The following MAPKAP1 variants were observed in gnomAD, a reference collection of about 807,000 sequenced individuals.
MAPKAP1 encodes the protein MAPK associated protein 1.
A neutral mutation model predicts 65.7 loss-of-function variants in MAPKAP1; 20 were observed. The observed-to-expected ratio is 0.30, with a 90% CI of 0.21 to 0.44. The LOEUF is 0.44. MAPKAP1 is among the 20% of genes least tolerant of loss of function. The pLI, the probability that MAPKAP1 is intolerant of heterozygous loss-of-function variation, is 1.00. For synonymous variants in MAPKAP1, 222 were observed against 244.3 expected (o/e 0.91, Z 0.85); for missense variants, 423 against 648.0 (o/e 0.65, Z 3.77).
At chr9:125,693,462 T>C (rs1053786107) in intron 1 of MAPKAP1, among the ~76,000 whole-genome samples, 31 of 148,292 alleles carry the variant, frequency 2.1e-4, no homozygotes, top group African/African-American at 6.2e-4. Context: ...CACACATACA[T>C]GTATATATAC....
intron 1 of MAPKAP1, among the ~76,000 whole-genome samples, chr9:125,679,827 C>T (rs190120838): frequency 6.6e-6 from 1 of 152,266 alleles, no homozygotes; most frequent in Admixed American, 6.5e-5. Flanking sequence ...ACACTACCCG[C>T]TCACTTCCCT....
intron 4 of MAPKAP1, among the ~76,000 whole-genome samples, chr9:125,651,806 C>T (rs1405293603): frequency 3.9e-5 from 6 of 152,130 alleles, no homozygotes; most frequent in African/African-American, 7.2e-5. Flanking sequence ...TTCATGGTTA[C>T]CCCCGCACCC....
intron 10 of MAPKAP1, among the ~76,000 whole-genome samples, chr9:125,466,735 G>A (rs1391249115): frequency 6.6e-6 from 1 of 152,178 alleles, no homozygotes; most frequent in Non-Finnish European, 1.5e-5. Flanking sequence ...GGAATGGCAG[G>A]AAGGGAGTGG....
At chr9:125,495,040 G>A (rs1854888749) in intron 8 of MAPKAP1, among the ~76,000 whole-genome samples, 1 of 152,164 alleles carries the variant, frequency 6.6e-6, no homozygotes, top group African/African-American at 2.4e-5. Context: ...TTCATTATGG[G>A]TTTGCTTGGA....
At chr9:125,589,621 T>C (rs144433847) in intron 4 of MAPKAP1, among the ~76,000 whole-genome samples, 272 of 152,306 alleles carry the variant, frequency 1.8e-3, no homozygotes, top group African/African-American at 6.3e-3. Flanking sequence ...TATAATTCTA[T>C]CATTCTGAGG....
chr9:125,644,187 A>C (rs1401099474), intron 4 of MAPKAP1, among the ~76,000 whole-genome samples: 1 of 152,206 alleles, frequency 6.6e-6, no homozygotes, highest in Non-Finnish European at 1.5e-5. Flanking sequence ...ACATTTTACT[A>C]ATCACCTCAT....
intron 4 of MAPKAP1, among the ~76,000 whole-genome samples, chr9:125,624,035 G>T (rs1466218364): frequency 5.4e-5 from 2 of 37,302 alleles, no homozygotes; most frequent in Admixed American, 2.4e-4. Context: ...GGGAGGTGGG[G>T]GGGTCAGCCC....
intron 5 of MAPKAP1, among the ~76,000 whole-genome samples, chr9:125,579,216 G>A (rs1831541619): frequency 6.6e-6 from 1 of 152,212 alleles, no homozygotes; most frequent in Non-Finnish European, 1.5e-5. Context: ...AAGAATTCCT[G>A]CCAAATTCTC....
At chr9:125,706,210 G>T (rs1423413797) in intron 1 of MAPKAP1, among the ~76,000 whole-genome samples, 1 of 152,022 alleles carries the variant, frequency 6.6e-6, no homozygotes, top group Non-Finnish European at 1.5e-5. Flanking sequence ...TAACATTACG[G>T]ATCCACCTCT....
chr9:125,527,009 G>A (rs1271375690), intron 7 of MAPKAP1, among the ~76,000 whole-genome samples: 3 of 150,756 alleles, frequency 2.0e-5, no homozygotes, highest in Non-Finnish European at 4.4e-5. Context: ...TCCTGACCTC[G>A]TGATCTGCCT....
chr9:125,672,352 T>C lies in MAPKAP1; in HGVS notation c.223A>G (p.Ser75Gly). The change falls in exon 2 of 12, where the codon AGT (serine) becomes GGT (glycine). Residue 75 changes from serine (S) to glycine (G), a missense_variant. Ser to Gly is a moderately conservative substitution (Grantham distance 56, BLOSUM62 0). This residue lies in a region of MAPKAP1 where 58 missense variants were observed against 56.9 expected (regional missense o/e 1.02). Transcript: ENST00000265960. The part of the protein sequence containing the change: ...VYAQSVDITS[S>G]WDFGIRRRSN... ...CGTCTTCTAATACCAAAGTCCCAAC[T>C]TGAGGTAATATCGACTGACTGGGCA... The C allele has an allele frequency of 3.1e-6, 5 of 1,614,202 alleles. No homozygotes were observed. Among genetic ancestry groups the C allele is most frequent in the East Asian group, 2.2e-5 (1 of 44,880 alleles).
At position 125,559,605 on chromosome 9, in the gene MAPKAP1, C is replaced by T. The variant is rs1370933808; in HGVS notation, c.848+28G>A. The stretch of plus-strand genomic sequence containing the variant: ...ATGCTAGAAGGTTGGGATGAGATAC[C>T]GAGAGAAGTAATAGAGTCAGTACTC... On this transcript the variant is annotated intron_variant, in intron 6 of 11. Transcript: ENST00000265960. 5 of 1,572,596 alleles carry T rather than the reference C, an allele frequency of 3.2e-6. No individual in the cohort carries two copies. The African/African-American group carries it at 4.1e-5, about 13-fold the overall frequency.
chr9:125,525,372 A>G (rs2133124406), intron 7 of MAPKAP1, among the ~76,000 whole-genome samples: 1 of 152,296 alleles, frequency 6.6e-6, no homozygotes, highest in East Asian at 1.9e-4. Context: ...CTTATCAGAG[A>G]GCTAGAAAAA....
intron 4 of MAPKAP1, among the ~76,000 whole-genome samples, chr9:125,599,297 G>T (rs183273604): frequency 6.6e-6 from 1 of 152,272 alleles, no homozygotes; most frequent in East Asian, 1.9e-4. Context: ...GTCACCATGT[G>T]AAGTAGCCCC....
chr9:125,581,089 T>C (rs1160456117), intron 5 of MAPKAP1, among the ~76,000 whole-genome samples: 1 of 152,264 alleles, frequency 6.6e-6, no homozygotes, highest in Non-Finnish European at 1.5e-5. Flanking sequence ...TGTACCACAA[T>C]GTTTAATCAT....
Position 125,438,917 on chromosome 9 carries a change from G to A in MAPKAP1, c.1539C>T (p.Phe513=). 4 of 1,614,230 alleles carry A rather than the reference G, an allele frequency of 2.5e-6. No individual in the cohort carries two copies. The highest frequency in any genetic ancestry group is 3.4e-6 in the Non-Finnish European group (4 of 1,180,038). ...GCTGCCCGGATTTCTTCTCCTTCTG[G>A]AAGCTGAAGCTCGTACGTCTGTTCA... is the stretch of plus-strand genomic sequence containing the variant. The part of the protein sequence containing the change: ...RKLNRRTSFS[F]QKEKKSGQQ Residue 513 remains phenylalanine, a synonymous_variant, in exon 12 of 12, where the codon TTC becomes TTT. Transcript: ENST00000265960.
At chr9:125,616,083 T>C (rs939800975) in intron 4 of MAPKAP1, among the ~76,000 whole-genome samples, 2 of 151,704 alleles carry the variant, frequency 1.3e-5, no homozygotes, top group Admixed American at 6.6e-5. Context: ...AGCACAAACA[T>C]AGGGAAATTT....
At chr9:125,629,556 C>A (rs954187672) in intron 4 of MAPKAP1, among the ~76,000 whole-genome samples, 2 of 152,128 alleles carry the variant, frequency 1.3e-5, no homozygotes, top group African/African-American at 4.8e-5. Flanking sequence ...TATGAGGGAT[C>A]TAAAGCATTC....
At chr9:125,477,275 T>C (rs2133014785) in intron 9 of MAPKAP1, among the ~76,000 whole-genome samples, 1 of 152,294 alleles carries the variant, frequency 6.6e-6, no homozygotes, top group East Asian at 1.9e-4. Context: ...ATGGGAACGG[T>C]CTACACTGAT....
Sources: gnomAD v4.1 joint callset for allele counts (sites outside exome capture counted in the v4.1 genomes callset) on GRCh38, gnomAD v4.1.1 for gene constraint, gnomAD v4.1.1 regional missense constraint, MANE v1.5 for transcripts, NCBI Gene and HGNC (gene_info 2026-07-23, HGNC 2026-07-21) for gene names.